The following ZMAT4 variants were observed in gnomAD, a reference collection of about 807,000 sequenced individuals.
ZMAT4 encodes zinc finger matrin-type 4, also known as zinc finger matrin-type protein 4.
Under a neutral mutation model 28.7 loss-of-function variants are expected in ZMAT4, and 17 were observed. That is an observed-to-expected ratio of 0.59 (90% CI 0.41 to 0.89). The LOEUF (loss-of-function observed/expected upper bound fraction) is 0.89, where lower values mean the gene tolerates loss of function less well. Ranked by LOEUF, ZMAT4 falls within the 40% of genes least tolerant of loss-of-function variation. The pLI, the probability that ZMAT4 is intolerant of heterozygous loss-of-function variation, is 0.00. For synonymous variants in ZMAT4, 117 were observed against 109.2 expected (o/e 1.07, Z -0.44); for missense variants, 240 against 283.8 (o/e 0.85, Z 1.11).
chr8:40,812,654 G>A (rs1815367276), intron 2 of ZMAT4, among the ~76,000 whole-genome samples: 1 of 152,206 alleles, frequency 6.6e-6, no homozygotes, highest in Admixed American at 6.5e-5. Context: ...ATATAGGTCA[G>A]GTGCGGTGGC....
intron 6 of ZMAT4, among the ~76,000 whole-genome samples, chr8:40,538,458 C>T (rs528227380): frequency 2.9e-4 from 44 of 152,310 alleles, no homozygotes; most frequent in Non-Finnish European, 5.0e-4. Context: ...CCCCGACCAC[C>T]TTAAGCACAT....
At chr8:40,743,083 T>C (rs1239340792) in intron 3 of ZMAT4, among the ~76,000 whole-genome samples, 2 of 152,136 alleles carry the variant, frequency 1.3e-5, no homozygotes, top group South Asian at 2.1e-4. Flanking sequence ...CCAGGCATGG[T>C]GGCAGGCACC....
At chr8:40,702,763 A>C (rs1445779825) in intron 3 of ZMAT4, among the ~76,000 whole-genome samples, 1 of 152,222 alleles carries the variant, frequency 6.6e-6, no homozygotes, top group Non-Finnish European at 1.5e-5. Flanking sequence ...AGCTTCACTC[A>C]GGCATGCGTC....
chr8:40,626,684 G>A (rs1730776365), intron 5 of ZMAT4, among the ~76,000 whole-genome samples: 1 of 152,166 alleles, frequency 6.6e-6, no homozygotes, highest in African/African-American at 2.4e-5. Flanking sequence ...TTATCCTGCT[G>A]GTGTGAAGTC....
At chr8:40,595,845 A>G (rs1301345927) in intron 5 of ZMAT4, among the ~76,000 whole-genome samples, 1 of 152,136 alleles carries the variant, frequency 6.6e-6, no homozygotes, top group African/African-American at 2.4e-5. Flanking sequence ...GCACTTTGGG[A>G]GGCCGAGGCA....
chr8:40,720,449 G>A (rs527323862), intron 3 of ZMAT4, among the ~76,000 whole-genome samples: 3 of 151,902 alleles, frequency 2.0e-5, no homozygotes, highest in African/African-American at 7.2e-5. Context: ...ACAGGACAAG[G>A]CAGACAGGAA....
intron 6 of ZMAT4, among the ~76,000 whole-genome samples, chr8:40,532,769 G>A (rs1387101190): frequency 6.6e-6 from 1 of 152,086 alleles, no homozygotes; most frequent in Non-Finnish European, 1.5e-5. Flanking sequence ...AGGTAGAGGT[G>A]GGCAGATCAC....
At chr8:40,793,285 CA>C (rs1202923554) in intron 2 of ZMAT4, among the ~76,000 whole-genome samples, 1 of 152,096 alleles carries the variant, frequency 6.6e-6, no homozygotes, top group Non-Finnish European at 1.5e-5. Context: ...AAACAAAAAA[CA>C]AACAAACAAA....
chr8:40,892,677 G>T (rs897402314), intron 1 of ZMAT4, among the ~76,000 whole-genome samples: 1 of 152,220 alleles, frequency 6.6e-6, no homozygotes, highest in Non-Finnish European at 1.5e-5. Flanking sequence ...CTATCAGCTC[G>T]CTGTGTGACA....
At chr8:40,575,200 C>A (rs1447693809) in intron 6 of ZMAT4, among the ~76,000 whole-genome samples, 1 of 152,292 alleles carries the variant, frequency 6.6e-6, no homozygotes, top group Non-Finnish European at 1.5e-5. Context: ...AACCTGCCCC[C>A]AGATAGTCTT....
chr8:40,759,914 C>A (rs1332279681), intron 3 of ZMAT4, among the ~76,000 whole-genome samples: 1 of 152,136 alleles, frequency 6.6e-6, no homozygotes, highest in Non-Finnish European at 1.5e-5. Context: ...ACAAACTCTC[C>A]CAATTCCCAT....
intron 3 of ZMAT4, among the ~76,000 whole-genome samples, chr8:40,756,854 GA>G (rs1812720063): frequency 6.6e-6 from 1 of 152,002 alleles, no homozygotes; most frequent in Non-Finnish European, 1.5e-5. Flanking sequence ...CACATTATTT[GA>G]TATACATTGG....
chr8:40,642,950 G>A (rs1482733867), intron 5 of ZMAT4, among the ~76,000 whole-genome samples: 2 of 152,198 alleles, frequency 1.3e-5, no homozygotes, highest in African/African-American at 2.4e-5. Flanking sequence ...AGGAGGCAAA[G>A]TCAAACCTTA....
chr8:40,563,322 G>C lies in ZMAT4; in HGVS notation c.674+17843C>G, dbSNP rs1234949552. Among the ~76,000 whole-genome samples, 3 of 152,132 alleles carry C rather than the reference G, an allele frequency of 2.0e-5. No individual in the cohort carries two copies. In the East Asian group the frequency reaches 5.8e-4, roughly 29 times the overall value. On this transcript the variant is annotated intron_variant, in intron 6 of 6. Transcript: ENST00000297737. ...ATATATTAGCATTTAAATGTTCTTT[G>C]ATTATTTTCGTCTATTAATTTGGTC...
intron 5 of ZMAT4, among the ~76,000 whole-genome samples, chr8:40,627,597 A>AT (rs1421581370): frequency 1.3e-5 from 2 of 152,186 alleles, no homozygotes; most frequent in Non-Finnish European, 2.9e-5. Flanking sequence ...ACCATTTAAA[A>AT]TTTTTCAACC....
At chr8:40,596,220 A>G (rs1003722410) in intron 5 of ZMAT4, among the ~76,000 whole-genome samples, 1 of 152,230 alleles carries the variant, frequency 6.6e-6, no homozygotes, top group African/African-American at 2.4e-5. Context: ...TAAGTGAGTG[A>G]TGAGTGAATG....
At chr8:40,624,300 T>C (rs1806297456) in intron 5 of ZMAT4, among the ~76,000 whole-genome samples, 1 of 152,100 alleles carries the variant, frequency 6.6e-6, no homozygotes, top group South Asian at 2.1e-4. Context: ...TGAGGAAAGA[T>C]CATGTGAGGG....
At chr8:40,824,720 G>T (rs754147585) in intron 2 of ZMAT4, among the ~76,000 whole-genome samples, 64 of 141,902 alleles carry the variant, frequency 4.5e-4, no homozygotes, top group Admixed American at 1.9e-3. Flanking sequence ...AAGAATGAAA[G>T]AAAGAAAGAA....
chr8:40,810,059 A>ACAAG, intron 2 of ZMAT4, among the ~76,000 whole-genome samples: 1 of 152,260 alleles, frequency 6.6e-6, no homozygotes, highest in Middle Eastern at 3.4e-3. Flanking sequence ...AAACAAACAA[A>ACAAG]CAAACAAAAT....
Sources: allele counts gnomAD v4.1 joint callset (sites outside exome capture counted in the v4.1 genomes callset), GRCh38; gene constraint gnomAD v4.1.1; transcripts MANE v1.5; gene names NCBI Gene and HGNC (gene_info 2026-07-23, HGNC 2026-07-21).